Variants in CNTNAP2 observed in about 807,000 individuals in gnomAD.
The protein encoded by CNTNAP2 is contactin associated protein 2.
Under a neutral mutation model 155.2 loss-of-function variants are expected in CNTNAP2, and 98 were observed. The observed-to-expected ratio is 0.63, with a 90% CI of 0.54 to 0.75. The LOEUF is 0.75. Among genes scored for constraint, CNTNAP2 ranks in the 30% least tolerant of loss-of-function variants. The pLI is 0.00. For missense variants in CNTNAP2, 1,727 were observed against 1,688.1 expected (o/e 1.02, Z -0.40); for synonymous variants, 651 against 631.2 (o/e 1.03, Z -0.47).
chr7:146,133,828 A>G (rs1201609040), intron 1 of CNTNAP2, among the ~76,000 whole-genome samples: 1 of 152,100 alleles, frequency 6.6e-6, no homozygotes, highest in Non-Finnish European at 1.5e-5. Context: ...CTTGTAGTAT[A>G]GCTTGAAGTC....
rs549040726 is a variant in CNTNAP2, at chr7:146,851,759, T to C, written c.402+11855T>C. Among the ~76,000 whole-genome samples, 20 of 150,914 alleles carry C rather than the reference T, an allele frequency of 1.3e-4. No individual in the cohort carries two copies. The South Asian group carries it at 4.3e-3, about 32-fold the overall frequency. On this transcript the variant is annotated intron_variant, in intron 3 of 23. Transcript: ENST00000361727. ...GTGCAGTGATGTGATCATAGCTTAC[T>C]GCAAGGTCCAACTCCTGAACCCATG...
In CNTNAP2 at chr7:146,731,349, C is replaced by T. The variant is rs1258440859; in HGVS notation, c.98-42922C>T. Among the ~76,000 whole-genome samples the T allele has an allele frequency of 4.6e-5, 7 of 151,876 alleles. No homozygotes were observed. In the East Asian group the frequency reaches 5.8e-4, roughly 13 times the overall value. On this transcript the variant is annotated intron_variant, in intron 1 of 23. Transcript: ENST00000361727. ...CACATCACGTGGAACCATGGAATCA[C>T]GTGCAATATTTTATTTATTATTTAT...
chr7:146,259,204 T>G (rs1484882478), intron 1 of CNTNAP2, among the ~76,000 whole-genome samples: 1 of 152,252 alleles, frequency 6.6e-6, no homozygotes, highest in African/African-American at 2.4e-5. Context: ...CAATTAGACC[T>G]CTTTCCTTTA....
At chr7:147,025,937 G>C (rs966330359) in intron 3 of CNTNAP2, among the ~76,000 whole-genome samples, 1 of 151,434 alleles carries the variant, frequency 6.6e-6, no homozygotes, top group East Asian at 2.0e-4. Flanking sequence ...TGGACTCACT[G>C]CAACCTCCGC....
intron 10 of CNTNAP2, among the ~76,000 whole-genome samples, chr7:147,414,215 A>G (rs1797149124): frequency 1.3e-5 from 2 of 151,788 alleles, no homozygotes; most frequent in South Asian, 4.2e-4. Context: ...GCTTGCGATC[A>G]GGAGTTCGAG....
chr7:147,045,256 C>G (rs2129255837), intron 4 of CNTNAP2, among the ~76,000 whole-genome samples: 1 of 152,190 alleles, frequency 6.6e-6, no homozygotes, highest in South Asian at 2.1e-4. Context: ...AAAATGAGTT[C>G]ACACTAAGCA....
At chr7:146,168,670 C>T (rs58140856) in intron 1 of CNTNAP2, among the ~76,000 whole-genome samples, 63,810 of 152,056 alleles carry the variant, frequency 0.42, 15,360 homozygotes, top group East Asian at 0.63. Flanking sequence ...ATTTCAAACA[C>T]TTCTCTGTGC....
chr7:147,287,006 A>G (rs1805194318), intron 8 of CNTNAP2, among the ~76,000 whole-genome samples: 1 of 152,108 alleles, frequency 6.6e-6, no homozygotes, highest in African/African-American at 2.4e-5. Context: ...AAAAAAAAAT[A>G]TTCAGTGACA....
intron 1 of CNTNAP2, among the ~76,000 whole-genome samples, chr7:146,460,381 A>T (rs12703815): frequency 0.53 from 70,770 of 132,610 alleles, 20,176 homozygotes; most frequent in East Asian, 0.78. Flanking sequence ...TTTCACAAAA[A>T]ATTAAAAATA....
rs539965680 is a variant in CNTNAP2, at chr7:147,552,228, A to G, written c.1778-9910A>G. Among the ~76,000 whole-genome samples, 4 of 152,258 alleles carry G rather than the reference A, an allele frequency of 2.6e-5. No individual in the cohort carries two copies. The South Asian group carries it at 6.2e-4, about 24-fold the overall frequency. ...GAGTTTAAACACAATTCTTTCTGCT[A>G]TGGGAAACGGCCTGTTTCATTTTCA... is the stretch of plus-strand genomic sequence containing the variant. On this transcript the variant is annotated intron_variant, in intron 11 of 23. Transcript: ENST00000361727.
At chr7:147,146,074 G>A (rs1005356679) in intron 8 of CNTNAP2, among the ~76,000 whole-genome samples, 4 of 152,100 alleles carry the variant, frequency 2.6e-5, no homozygotes, top group Admixed American at 6.5e-5. Context: ...GATAATTATC[G>A]CACTGGTCAA....
At chr7:146,991,324 T>C (rs918052652) in intron 3 of CNTNAP2, among the ~76,000 whole-genome samples, 1 of 152,084 alleles carries the variant, frequency 6.6e-6, no homozygotes, top group Non-Finnish European at 1.5e-5. Flanking sequence ...AGAATTTAAT[T>C]CAAATGTAAA....
At chr7:147,911,782 A>G (rs973750376) in intron 14 of CNTNAP2, among the ~76,000 whole-genome samples, 1 of 152,088 alleles carries the variant, frequency 6.6e-6, no homozygotes, top group Non-Finnish European at 1.5e-5. Flanking sequence ...ATGTATCAGG[A>G]TTTTCCCCCT....
intron 21 of CNTNAP2, among the ~76,000 whole-genome samples, chr7:148,288,181 G>T (rs556584204): frequency 1.8e-4 from 26 of 147,406 alleles, no homozygotes; most frequent in Admixed American, 1.6e-3. Context: ...CTCACTGCAA[G>T]CTCCGCCTCC....
intron 10 of CNTNAP2, among the ~76,000 whole-genome samples, chr7:147,430,865 C>A (rs1275374937): frequency 2.0e-5 from 3 of 151,942 alleles, no homozygotes; most frequent in Non-Finnish European, 4.4e-5. Context: ...GAGATCGAGA[C>A]CATCCTGGCT....
At chr7:147,121,306 C>T (rs779279417) in intron 6 of CNTNAP2, 143 bp downstream of exon 6, 3 of 751,168 alleles carry the variant, frequency 4.0e-6, no homozygotes, top group Non-Finnish European at 6.3e-6. Context: ...TTTTAAAAAC[C>T]TGATTAATTC....
chr7:148,131,827 C>T (rs1003990499), intron 16 of CNTNAP2, among the ~76,000 whole-genome samples: 16 of 151,012 alleles, frequency 1.1e-4, no homozygotes, highest in Admixed American at 1.1e-3. Context: ...ACACTTGGGA[C>T]CAATTAATTC....
intron 9 of CNTNAP2, among the ~76,000 whole-genome samples, chr7:147,385,333 A>G (rs1452431293): frequency 6.6e-6 from 1 of 152,184 alleles, no homozygotes; most frequent in East Asian, 1.9e-4. Flanking sequence ...CAGTCCCCCA[A>G]AGTCTTAACT....
At chr7:147,042,604 ACAT>A (rs1180569255) in intron 3 of CNTNAP2, among the ~76,000 whole-genome samples, 2 of 152,100 alleles carry the variant, frequency 1.3e-5, no homozygotes, top group Non-Finnish European at 2.9e-5. Flanking sequence ...TAACTTTAAA[ACAT>A]CATTATTAAA....
Sources: allele counts gnomAD v4.1 joint callset (sites outside exome capture counted in the v4.1 genomes callset), GRCh38; gene constraint gnomAD v4.1.1; transcripts MANE v1.5; gene names NCBI Gene and HGNC (gene_info 2026-07-23, HGNC 2026-07-21).